The following EXOC4 variants were observed in gnomAD, a reference collection of about 807,000 sequenced individuals.
The protein encoded by EXOC4 is exocyst complex component 4, also known as SEC8-like 1.
In EXOC4, 71 loss-of-function variants were observed where a neutral mutation model predicts 107.2. That is an observed-to-expected ratio of 0.66 (90% CI 0.55 to 0.81). The LOEUF (loss-of-function observed/expected upper bound fraction) is 0.81. Among genes scored for constraint, EXOC4 ranks in the 30% least tolerant of loss-of-function variants. The probability of loss-of-function intolerance (pLI) is 0.00; values close to 1 mark genes in which losing one functional copy is unlikely to be tolerated. For missense variants in EXOC4, 1,108 were observed against 1,189.6 expected, an observed-to-expected ratio of 0.93 and a Z score of 1.01; for synonymous variants, 456 against 441.2, an observed-to-expected ratio of 1.03 and a Z score of -0.42.
At chr7:134,010,856 G>A (rs900222830) in intron 17 of EXOC4, among the ~76,000 whole-genome samples, 2 of 152,190 alleles carry the variant, frequency 1.3e-5, no homozygotes, top group Non-Finnish European at 2.9e-5. Flanking sequence ...AGGATCTGGA[G>A]GGATTCCATT....
chr7:133,896,837 G>GGT (rs1338934200), intron 12 of EXOC4, among the ~76,000 whole-genome samples: 1 of 85,678 alleles, frequency 1.2e-5, no homozygotes, highest in African/African-American at 1.3e-4. Flanking sequence ...GGCTATTTTT[G>GGT]TATTTTTAGT....
chr7:134,056,490 C>G (rs1324934246), intron 17 of EXOC4, among the ~76,000 whole-genome samples: 1 of 151,448 alleles, frequency 6.6e-6, no homozygotes, highest in African/African-American at 2.5e-5. Context: ...AGAAATGTGC[C>G]TGATCAATAT....
chr7:133,665,243 C>A (rs1241871801), intron 10 of EXOC4, among the ~76,000 whole-genome samples: 1 of 152,150 alleles, frequency 6.6e-6, no homozygotes, highest in African/African-American at 2.4e-5. Flanking sequence ...GTGTCATTCC[C>A]CTTCCCATTT....
chr7:133,356,378 C>A lies in EXOC4; in HGVS notation c.812C>A (p.Pro271Gln), dbSNP rs1322083570. ...QDIKEDLELDPEENSTLFMGI... is the reference protein window; with the variant it reads ...QDIKEDLELDQEENSTLFMGI... ...ATCAAGGAAGATTTAGAATTGGATCCAGAGGAAAACAGCACCCTGTTTATG... is the reference window on the plus strand; with the variant it reads ...ATCAAGGAAGATTTAGAATTGGATCAAGAGGAAAACAGCACCCTGTTTATG... The change falls in exon 6 of 18, where the codon CCA becomes CAA. Residue 271 changes from proline to glutamine, a missense_variant. Transcript: ENST00000253861. 5 of 1,613,778 alleles carry A rather than the reference C, an allele frequency of 3.1e-6. No individual in the cohort carries two copies. The highest frequency in any genetic ancestry group is 2.7e-5 in the African/African-American group (2 of 74,850).
intron 14 of EXOC4, among the ~76,000 whole-genome samples, chr7:133,954,056 A>C (rs951740147): frequency 6.6e-6 from 1 of 152,250 alleles, no homozygotes; most frequent in Non-Finnish European, 1.5e-5. Context: ...AATATGTTCC[A>C]GGTGAAGTAG....
chr7:133,438,079 T>C (rs559314035), intron 7 of EXOC4, among the ~76,000 whole-genome samples: 10 of 152,212 alleles, frequency 6.6e-5, no homozygotes, highest in Non-Finnish European at 1.2e-4. Context: ...AACAAGATAC[T>C]TTTTCACTCT....
intron 11 of EXOC4, among the ~76,000 whole-genome samples, chr7:133,856,980 C>G (rs2116306003): frequency 6.7e-6 from 1 of 149,302 alleles, no homozygotes; most frequent in South Asian, 2.1e-4. Context: ...GCCTGTAGTC[C>G]CAGCTACTTG....
intron 7 of EXOC4, among the ~76,000 whole-genome samples, chr7:133,458,489 C>G (rs1370539441): frequency 6.6e-6 from 1 of 152,088 alleles, no homozygotes; most frequent in Non-Finnish European, 1.5e-5. Flanking sequence ...GAGGAAGCAC[C>G]TTGTGTTTCT....
chr7:133,384,716 T>A (rs1418591628), intron 7 of EXOC4, among the ~76,000 whole-genome samples: 2 of 135,358 alleles, frequency 1.5e-5, no homozygotes, highest in African/African-American at 2.7e-5. Context: ...TTGGTCTTTT[T>A]TTTTTTTTTA....
At chr7:133,299,562 C>A (rs1794597427) in intron 3 of EXOC4, among the ~76,000 whole-genome samples, 2 of 152,180 alleles carry the variant, frequency 1.3e-5, no homozygotes, top group Non-Finnish European at 1.5e-5. Context: ...GCTTTTAGAA[C>A]AAGTCCGCAT....
chr7:133,655,732 C>T (rs1455704374), intron 10 of EXOC4, among the ~76,000 whole-genome samples: 1 of 152,154 alleles, frequency 6.6e-6, no homozygotes, highest in East Asian at 1.9e-4. Context: ...CCTAGGATAA[C>T]AATACTTTCT....
At chr7:133,341,077 G>C (rs1365165231) in intron 5 of EXOC4, among the ~76,000 whole-genome samples, 1 of 151,956 alleles carries the variant, frequency 6.6e-6, no homozygotes, top group Non-Finnish European at 1.5e-5. Flanking sequence ...GCTGGGTTTG[G>C]GTTTGGTTTG....
intron 9 of EXOC4, among the ~76,000 whole-genome samples, chr7:133,523,211 G>A (rs1389862142): frequency 6.6e-6 from 1 of 152,120 alleles, no homozygotes; most frequent in Non-Finnish European, 1.5e-5. Context: ...GGATATCATA[G>A]AATAAATGGA....
intron 9 of EXOC4, among the ~76,000 whole-genome samples, chr7:133,596,625 T>C (rs953606020): frequency 2.0e-5 from 3 of 152,186 alleles, no homozygotes; most frequent in African/African-American, 7.2e-5. Context: ...TTTAGTTACA[T>C]CATAGGTGGT....
At chr7:134,096,521 A>T in the EXOC4 span, among the ~76,000 whole-genome samples, 1 of 152,192 alleles carries the variant, frequency 6.6e-6, no homozygotes, top group South Asian at 2.1e-4. Context: ...TAAGTCCCAC[A>T]ATAGGCCATC....
chr7:133,730,010 T>C (rs1215938886), intron 10 of EXOC4, among the ~76,000 whole-genome samples: 2 of 151,722 alleles, frequency 1.3e-5, no homozygotes, highest in Non-Finnish European at 1.5e-5. Context: ...TAAATAATCA[T>C]TGGCTATTGT....
intron 10 of EXOC4, among the ~76,000 whole-genome samples, chr7:133,753,732 T>C (rs1428815061): frequency 1.3e-5 from 2 of 152,216 alleles, no homozygotes; most frequent in Admixed American, 6.5e-5. Flanking sequence ...AGTTTCTCAC[T>C]GTACCTAGCA....
At chr7:133,468,570 T>TATATTATATTATATATACC (rs1798790102) in intron 7 of EXOC4, among the ~76,000 whole-genome samples, 1 of 152,162 alleles carries the variant, frequency 6.6e-6, no homozygotes, top group Non-Finnish European at 1.5e-5. Context: ...TATAATTTGG[T>TATATTATATTATATATACC]GGGTATATTA....
At chr7:133,962,513 G>A (rs992932405) in intron 14 of EXOC4, among the ~76,000 whole-genome samples, 2 of 152,130 alleles carry the variant, frequency 1.3e-5, no homozygotes, top group African/African-American at 2.4e-5. Context: ...GGGCAGAGAT[G>A]TGCCACCTTC....
Sources: gnomAD v4.1 joint callset for allele counts (sites outside exome capture counted in the v4.1 genomes callset) on GRCh38, gnomAD v4.1.1 for gene constraint, MANE v1.5 for transcripts, NCBI Gene and HGNC (gene_info 2026-07-23, HGNC 2026-07-21) for gene names.